Variants in DAB1 observed in about 807,000 individuals in gnomAD.
DAB1 encodes disabled homolog 1.
Under a neutral mutation model 64.6 loss-of-function variants are expected in DAB1, and 15 were observed. The ratio of observed to expected loss-of-function variants is 0.23; its 90% confidence interval spans 0.16 to 0.36. DAB1 has a LOEUF of 0.36. DAB1 is among the 10% of genes least tolerant of loss of function. The pLI is 1.00. For synonymous variants in DAB1, 235 were observed against 251.9 expected (o/e 0.93, Z 0.64); for missense variants, 596 against 706.7 (o/e 0.84, Z 1.78).
At chr1:58,016,350 G>A (rs1236680443) in intron 5 of DAB1, among the ~76,000 whole-genome samples, 2 of 152,146 alleles carry the variant, frequency 1.3e-5, no homozygotes, top group East Asian at 1.9e-4. Context: ...CCTATGGACT[G>A]TTTGCCAATT....
chr1:58,033,980 G>A (rs536736391), intron 5 of DAB1, among the ~76,000 whole-genome samples: 2 of 152,210 alleles, frequency 1.3e-5, no homozygotes, highest in African/African-American at 2.4e-5. Flanking sequence ...ATTCTAGAAC[G>A]GCCACCAGTG....
chr1:58,453,211 G>T (rs116780531), intron 3 of DAB1, among the ~76,000 whole-genome samples: 2,418 of 152,154 alleles, frequency 0.016, 78 homozygotes, highest in African/African-American at 0.056. Flanking sequence ...AGTGATCACC[G>T]GGGGGTAGAG....
chr1:58,110,608 T>C (rs569143675), intron 5 of DAB1, among the ~76,000 whole-genome samples: 3 of 152,342 alleles, frequency 2.0e-5, no homozygotes, highest in South Asian at 2.1e-4. Flanking sequence ...AGCTAGGTGA[T>C]AGCAAAACCT....
intron 5 of DAB1, among the ~76,000 whole-genome samples, chr1:57,889,263 A>T (rs1433045637): frequency 1.3e-5 from 2 of 152,360 alleles, no homozygotes; most frequent in African/African-American, 4.8e-5. Context: ...TATGCTGGGC[A>T]TGATCATCAG....
At chr1:57,831,535 C>A (rs1342292353) in intron 1 of DAB1, among the ~76,000 whole-genome samples, 13 of 137,518 alleles carry the variant, frequency 9.5e-5, no homozygotes, top group Non-Finnish European at 1.9e-4. Context: ...TTATTTTCTT[C>A]TCTTTTTTTT....
chr1:57,580,707 T>C (rs1054604215), intron 7 of DAB1, among the ~76,000 whole-genome samples: 3 of 152,168 alleles, frequency 2.0e-5, no homozygotes, highest in African/African-American at 7.2e-5. Context: ...ATTATAATAA[T>C]TGCAGCTACT....
chr1:57,611,429 T>C (rs541378462), intron 7 of DAB1, among the ~76,000 whole-genome samples: 10 of 152,218 alleles, frequency 6.6e-5, no homozygotes, highest in Non-Finnish European at 1.2e-4. Flanking sequence ...AGGCTGATTA[T>C]ATGCATAAAT....
At chr1:57,083,333 A>G (rs1652743956) in intron 4 of DAB1, among the ~76,000 whole-genome samples, 1 of 152,198 alleles carries the variant, frequency 6.6e-6, no homozygotes, top group African/African-American at 2.4e-5. Flanking sequence ...TTAATGGCCT[A>G]TATTTTCATT....
intron 3 of DAB1, among the ~76,000 whole-genome samples, chr1:58,433,188 G>C (rs1644898591): frequency 6.6e-6 from 1 of 152,160 alleles, no homozygotes; most frequent in Non-Finnish European, 1.5e-5. Context: ...TTGCACATTT[G>C]GTGGGTACTT....
At chr1:57,536,694 A>T (rs1385559166) in intron 7 of DAB1, among the ~76,000 whole-genome samples, 1 of 144,998 alleles carries the variant, frequency 6.9e-6, no homozygotes, top group East Asian at 2.0e-4. Context: ...GAGACAAGGA[A>T]AAAAAAAAAA....
intron 3 of DAB1, among the ~76,000 whole-genome samples, chr1:58,466,960 G>T (rs1431992817): frequency 6.6e-6 from 1 of 152,192 alleles, no homozygotes; most frequent in Non-Finnish European, 1.5e-5. Flanking sequence ...ATGAATATGT[G>T]AATACATGAG....
intron 5 of DAB1, among the ~76,000 whole-genome samples, chr1:57,894,446 C>T (rs527843108): frequency 2.5e-4 from 38 of 152,074 alleles, no homozygotes; most frequent in Non-Finnish European, 5.4e-4. Context: ...AAATTGATCC[C>T]ACAAAGATGA....
chr1:57,940,910 G>A (rs1645094937), intron 5 of DAB1, among the ~76,000 whole-genome samples: 1 of 152,160 alleles, frequency 6.6e-6, no homozygotes, highest in Non-Finnish European at 1.5e-5. Flanking sequence ...CTACGTGATG[G>A]GGAGAAAAAA....
intron 2 of DAB1, among the ~76,000 whole-genome samples, chr1:57,177,144 C>A (rs771696233): frequency 2.0e-5 from 3 of 152,066 alleles, no homozygotes; most frequent in Non-Finnish European, 2.9e-5. Flanking sequence ...CTTTATCAAC[C>A]AGCACTTACC....
At chr1:57,922,845 C>CAAAAAAAAAAAAAAAAAAAAA (rs367897659) in intron 5 of DAB1, among the ~76,000 whole-genome samples, 2 of 45,004 alleles carry the variant, frequency 4.4e-5, no homozygotes, top group African/African-American at 2.3e-4. Flanking sequence ...GACTCCATCT[C>CAAAAAAAAAAAAAAAAAAAAA]AAAAAAAAAA....
intron 3 of DAB1, among the ~76,000 whole-genome samples, chr1:58,350,206 G>C (rs148892715): frequency 1.7e-3 from 260 of 152,252 alleles, no homozygotes; most frequent in Non-Finnish European, 1.8e-3. Context: ...CTCAATAACA[G>C]TGATGATGAT....
chr1:57,731,606 A>G (rs1423092666), intron 6 of DAB1, among the ~76,000 whole-genome samples: 1 of 152,104 alleles, frequency 6.6e-6, no homozygotes, highest in Non-Finnish European at 1.5e-5. Context: ...GGAGTTCGAG[A>G]CCAGCCTGGC....
chr1:57,101,240 T>C (rs1480023882), intron 4 of DAB1, among the ~76,000 whole-genome samples: 1 of 152,252 alleles, frequency 6.6e-6, no homozygotes, highest in Non-Finnish European at 1.5e-5. Context: ...GCAATCCTTT[T>C]TGAATCTCTT....
intron 8 of DAB1, among the ~76,000 whole-genome samples, chr1:57,068,265 A>G (rs1157542584): frequency 6.6e-6 from 1 of 152,190 alleles, no homozygotes; most frequent in African/African-American, 2.4e-5. Context: ...GACAAACGCA[A>G]CTTTTCTTAT....
Sources: allele counts gnomAD v4.1 joint callset (sites outside exome capture counted in the v4.1 genomes callset), GRCh38; gene constraint gnomAD v4.1.1; transcripts MANE v1.5; gene names NCBI Gene and HGNC (gene_info 2026-07-23, HGNC 2026-07-21).